The following ABCA13 variants were observed in gnomAD, a reference collection of about 807,000 sequenced individuals.
The protein encoded by ABCA13 is ATP-binding cassette sub-family A member 13.
In ABCA13, 476 loss-of-function variants were observed where a neutral mutation model predicts 478.7. That is an observed-to-expected ratio of 0.99 (90% CI 0.92 to 1.07). The LOEUF is 1.07. ABCA13 is among the 50% of genes least tolerant of loss of function. The pLI is 0.00. For synonymous variants in ABCA13, 2,252 were observed against 2,158.9 expected (o/e 1.04, Z -1.20); for missense variants, 6,060 against 5,910.6 (o/e 1.03, Z -0.83).
intron 41 of ABCA13, among the ~76,000 whole-genome samples, chr7:48,422,444 G>T (rs1268914513): frequency 6.6e-6 from 1 of 152,162 alleles, no homozygotes; most frequent in Non-Finnish European, 1.5e-5. Flanking sequence ...AACTAGAATT[G>T]ACTTTTTATA....
chr7:48,275,866 A>C lies in ABCA13; in HGVS notation c.6200A>C (p.Lys2067Thr), dbSNP rs766841070. Reference sequence around the variant, plus strand: ...TGGCCCAAGTTTCAACAAATCATGAAAGACCTAACCCAAGATTTTAGAATC... The same window carrying C: ...TGGCCCAAGTTTCAACAAATCATGACAGACCTAACCCAAGATTTTAGAATC... ...ELWPKFQQIMKDLTQDFRIRH... is the reference protein window; with the variant it reads ...ELWPKFQQIMTDLTQDFRIRH... Residue 2067 changes from lysine (K) to threonine (T), a missense_variant, in exon 17 of 62, where the codon AAA becomes ACA. Physicochemically the swap from Lys to Thr is moderately conservative, Grantham distance 78. Around this residue, in one of 3 missense-constraint regions of ABCA13, gnomAD observed 4,423 missense variants for 4,309.1 expected, o/e 1.03. Transcript: ENST00000435803. 1.9e-6 allele frequency: 3 copies of C among 1,613,440 alleles called. No individual in the cohort carries two copies. The highest frequency in any genetic ancestry group is 2.5e-6 in the Non-Finnish European group (3 of 1,179,836).
At chr7:48,566,158 G>A (rs1563446066) in intron 55 of ABCA13, among the ~76,000 whole-genome samples, 2 of 152,250 alleles carry the variant, frequency 1.3e-5, no homozygotes, top group South Asian at 2.1e-4. Context: ...TGCCTGCAGT[G>A]AGAAGGTTCT....
intron 59 of ABCA13, chr7:48,626,739 T>C: frequency 2.0e-6 from 2 of 985,550 alleles, no homozygotes; most frequent in Non-Finnish European, 2.4e-6. Flanking sequence ...GAGGTGCCTT[T>C]GGGTTTGGGA....
At chr7:48,252,912 A>C (rs1792792904) in intron 15 of ABCA13, among the ~76,000 whole-genome samples, 1 of 152,116 alleles carries the variant, frequency 6.6e-6, no homozygotes, top group African/African-American at 2.4e-5. Flanking sequence ...CACTTGAAAA[A>C]AATTTCCACT....
intron 41 of ABCA13, among the ~76,000 whole-genome samples, chr7:48,413,993 T>C (rs1183569868): frequency 1.3e-5 from 2 of 152,210 alleles, no homozygotes; most frequent in African/African-American, 4.8e-5. Flanking sequence ...CATACCTTTG[T>C]GGTTGATGCT....
At chr7:48,220,911 T>C (rs1305526868) in intron 4 of ABCA13, among the ~76,000 whole-genome samples, 1 of 152,160 alleles carries the variant, frequency 6.6e-6, no homozygotes, top group African/African-American at 2.4e-5. Context: ...TTTTTTCTCT[T>C]CAAGTTTTTC....
intron 1 of ABCA13, 132 bp from the exon 2 acceptor site, chr7:48,192,827 C>T: frequency 2.9e-6 from 2 of 683,594 alleles, no homozygotes; most frequent in Admixed American, 3.2e-5. Context: ...TAGGCCTTGT[C>T]TGTGGGCTCC....
intron 27 of ABCA13, among the ~76,000 whole-genome samples, chr7:48,325,660 T>C (rs10230264): frequency 0.029 from 4,487 of 152,232 alleles, 97 homozygotes; most frequent in Non-Finnish European, 0.045. Flanking sequence ...AGAAAACTGG[T>C]TAAGTTTAAT....
Position 48,272,981 on chromosome 7 carries a change from A to G in ABCA13, c.3315A>G (p.Lys1105=), listed in dbSNP as rs1314328905. Residue 1105 remains lysine, a synonymous_variant, in exon 17 of 62, where the codon AAA becomes AAG. Coordinates refer to ENST00000435803, the MANE Select transcript of ABCA13 (RefSeq NM_152701.5). ...ATAAATGCTTGATTTCGGACAATAA[A>G]CACATTTCTTCCGTAAATTATTCAA... ...LDNKCLISDN[K]HISSVNYSTS... is the part of the protein sequence containing the mutation. The G allele has an allele frequency of 6.2e-7, 1 of 1,613,588 alleles. No individual in the cohort carries two copies.
intron 1 of ABCA13, among the ~76,000 whole-genome samples, chr7:48,188,014 A>C (rs947575088): frequency 6.7e-6 from 1 of 148,262 alleles, no homozygotes; most frequent in African/African-American, 2.5e-5. Flanking sequence ...TTTGTTCTTG[A>C]CTCTCTTTTC....
intron 51 of ABCA13, among the ~76,000 whole-genome samples, chr7:48,513,918 G>C (rs1319716004): frequency 6.6e-6 from 1 of 152,130 alleles, no homozygotes; most frequent in African/African-American, 2.4e-5. Context: ...TCTAGCAATA[G>C]GAACTCTCAT....
intron 48 of ABCA13, among the ~76,000 whole-genome samples, chr7:48,502,823 A>G (rs1228884907): frequency 2.0e-5 from 3 of 152,240 alleles, no homozygotes; most frequent in Admixed American, 2.0e-4. Context: ...AGCATACAGC[A>G]CATGGCTACA....
At chr7:48,553,839 C>T (rs2131212217) in intron 55 of ABCA13, among the ~76,000 whole-genome samples, 1 of 152,012 alleles carries the variant, frequency 6.6e-6, no homozygotes, top group East Asian at 1.9e-4. Context: ...TCTGTTTTTG[C>T]TTTGGATCAC....
Position 48,281,535 on chromosome 7 carries a change from C to A in ABCA13, c.8836+83C>A, listed in dbSNP as rs910482764. ...AGGTGTCAGAGAGATGAGTATATTGCACTTGAGTTTCTTTTAGAACAAAGC... is the reference window on the plus strand; with the variant it reads ...AGGTGTCAGAGAGATGAGTATATTGAACTTGAGTTTCTTTTAGAACAAAGC... On this transcript the variant is annotated intron_variant, in intron 19 of 61. Transcript: ENST00000435803. 7 of 1,206,504 alleles carry A rather than the reference C, an allele frequency of 5.8e-6. No homozygotes were observed. The African/African-American group carries it at 9.2e-5, about 16-fold the overall frequency. 74.7% of individuals were successfully genotyped at this position (1,206,504 alleles called of 1,614,324 possible). A position where few individuals can be genotyped will look rare whatever the true frequency, so the allele number is the denominator to read the frequency against.
At chr7:48,514,481 C>T (rs376255966) in intron 51 of ABCA13, among the ~76,000 whole-genome samples, 19 of 152,164 alleles carry the variant, frequency 1.2e-4, no homozygotes, top group South Asian at 4.1e-4. Context: ...GAATCAGTAG[C>T]TATAAGTTGG....
intron 55 of ABCA13, among the ~76,000 whole-genome samples, chr7:48,574,156 C>T (rs573000671): frequency 2.8e-4 from 42 of 152,046 alleles, no homozygotes; most frequent in Non-Finnish European, 5.6e-4. Flanking sequence ...CAACCCATAA[C>T]AACTGATAAA....
At chr7:48,534,763 C>A (rs1165810875) in intron 55 of ABCA13, among the ~76,000 whole-genome samples, 2 of 152,148 alleles carry the variant, frequency 1.3e-5, no homozygotes, top group African/African-American at 4.8e-5. Context: ...TGCCTTTGAG[C>A]TCTGAAGTTC....
chr7:48,466,602 C>G (rs1826900023), intron 43 of ABCA13, among the ~76,000 whole-genome samples: 1 of 152,006 alleles, frequency 6.6e-6, no homozygotes, highest in African/African-American at 2.4e-5. Context: ...TATATTAACA[C>G]AATATGATAT....
chr7:48,354,080 T>G (rs1295124259), intron 31 of ABCA13, among the ~76,000 whole-genome samples: 1 of 152,002 alleles, frequency 6.6e-6, no homozygotes, highest in Non-Finnish European at 1.5e-5. Flanking sequence ...TCATACCCAG[T>G]GCAAACACCT....
Sources: gnomAD v4.1 joint callset for allele counts (sites outside exome capture counted in the v4.1 genomes callset) on GRCh38, gnomAD v4.1.1 for gene constraint, gnomAD v4.1.1 regional missense constraint, MANE v1.5 for transcripts, NCBI Gene and HGNC (gene_info 2026-07-23, HGNC 2026-07-21) for gene names.